SCAF1: variants seen among roughly 807,000 people sequenced by gnomAD.
The protein encoded by SCAF1 is splicing factor, arginine/serine-rich 19.
SCAF1 carries 28 observed loss-of-function variants against 91.2 expected under a neutral mutation model. The ratio of observed to expected loss-of-function variants is 0.31; its 90% CI spans 0.23 to 0.42. The LOEUF (loss-of-function observed/expected upper bound fraction) is 0.42. Ranked by LOEUF, SCAF1 falls within the 10% of genes least tolerant of loss-of-function variation. The pLI is 1.00. For synonymous variants in SCAF1, 1,036 were observed against 833.7 expected, an observed-to-expected ratio of 1.24 and a Z score of -4.18; for missense variants, 1,893 against 1,872.1, an observed-to-expected ratio of 1.01 and a Z score of -0.21.
intron 6 of SCAF1, 73 bp from the exon 7 acceptor site, chr19:49,650,795 G>A (rs1374222150): frequency 9.5e-6 from 12 of 1,269,586 alleles, no homozygotes; most frequent in East Asian, 2.4e-5. Flanking sequence ...GAGTGTCCAC[G>A]GCTGGGCCAG....
chr19:49,651,639 CCCGGCCTACA>C lies in SCAF1; in HGVS notation c.1257_1266del (p.Thr420ProfsTer41), dbSNP rs1305277739. The C allele has an allele frequency of 7.0e-7, 1 of 1,434,442 alleles. No individual in the cohort carries two copies. The highest frequency in any genetic ancestry group is 9.1e-7 in the Non-Finnish European group (1 of 1,100,996). 88.9% of individuals were successfully genotyped at this position (1,434,442 alleles called of 1,614,324 possible). A position where few individuals can be genotyped will look rare whatever the true frequency, so the allele number is the denominator to read the frequency against. ...CTCTTCCGCCCCGGCGGCCGGGCCG[CCCGGCCTACA>C]CCGGCCGCCTCGGCCACCCCCACGG... On this transcript the variant is annotated frameshift_variant, in exon 7 of 11. Transcript: ENST00000360565. LOFTEE classifies it high-confidence loss of function.
In SCAF1 at chr19:49,653,122, C is replaced by G. The variant is rs769617056; in HGVS notation, c.2733C>G (p.Thr911=). ...KVKAKAGAKK[T]KGTKGKTKPS... Reference sequence around the variant, plus strand: ...AGGCCAAGGCAGGGGCCAAGAAAACCAAGGGGACCAAGGGAAAGACCAAGC... The same window carrying G: ...AGGCCAAGGCAGGGGCCAAGAAAACGAAGGGGACCAAGGGAAAGACCAAGC... Residue 911 remains threonine (T), a synonymous_variant, in exon 7 of 11, where the codon ACC becomes ACG. Coordinates refer to ENST00000360565, the MANE Select transcript of SCAF1 (RefSeq NM_021228.3). The G allele has an allele frequency of 2.0e-5, 32 of 1,610,710 alleles. No individual in the cohort carries two copies. Among genetic ancestry groups the G allele is most frequent in the Non-Finnish European group, 2.5e-5 (30 of 1,178,644 alleles).
At chr19:49,643,523 A>G (rs1033011094) in intron 1 of SCAF1, among the ~76,000 whole-genome samples, 1 of 152,250 alleles carries the variant, frequency 6.6e-6, no homozygotes, top group Admixed American at 6.5e-5. Context: ...GATAGGACCT[A>G]GCAGTATCTG....
rs1225559774 is a variant in SCAF1 at position 49,653,359 on chromosome 19, G to A, written c.2970G>A (p.Pro990=). The A allele has an allele frequency of 1.1e-5, 17 of 1,493,456 alleles. No individual in the cohort carries two copies. The highest frequency in any genetic ancestry group is 4.1e-5 in the South Asian group (3 of 73,628). The allele number at this position is 1,493,456 out of a possible 1,614,324, so 92.5% of individuals were successfully genotyped here. Residue 990 remains proline, a synonymous_variant, in exon 7 of 11, where the codon CCG becomes CCA. Coordinates refer to ENST00000360565, the MANE Select transcript of SCAF1 (RefSeq NM_021228.3). ...KAAPPPPALT[P]DSQTVDSSCK... ...CCCCACCACCCCCTGCCCTCACTCCGGACTCGCAGACCGTGGACAGCAGCT... is the reference window on the plus strand; with the variant it reads ...CCCCACCACCCCCTGCCCTCACTCCAGACTCGCAGACCGTGGACAGCAGCT...
At chr19:49,656,289 G>T (rs2081138928) in intron 9 of SCAF1, among the ~76,000 whole-genome samples, 1 of 152,202 alleles carries the variant, frequency 6.6e-6, no homozygotes, top group Non-Finnish European at 1.5e-5. Context: ...ATCCTGTGGG[G>T]CCAGGCAAGC....
In SCAF1 at chr19:49,651,704, C is replaced by T. The variant is rs1208313841; in HGVS notation, c.1315C>T (p.Arg439Trp). The T allele has an allele frequency of 1.4e-6, 2 of 1,384,438 alleles. No homozygotes were observed. Among genetic ancestry groups the T allele is most frequent in the Admixed American group, 3.8e-5 (1 of 26,592 alleles). 85.8% of individuals were successfully genotyped at this position (1,384,438 alleles called of 1,614,324 possible). A position where few individuals can be genotyped will look rare whatever the true frequency, so the allele number is the denominator to read the frequency against. Residue 439 changes from arginine to tryptophan, a missense_variant, in exon 7 of 11, where the codon CGG becomes TGG. Arg to Trp is a moderately radical substitution (Grantham distance 101, BLOSUM62 -3). Transcript: ENST00000360565. The stretch of plus-strand genomic sequence containing the variant: ...GCCCCTTCCTCAGCCTCCCGCTCCG[C>T]GGGCCCCCGAGGGGGACGACTTCTT... ...AQPLPQPPAPRAPEGDDFLSL... is the reference protein window; with the variant it reads ...AQPLPQPPAPWAPEGDDFLSL...
In SCAF1 at chr19:49,653,096, A is replaced by G; in HGVS notation, c.2707A>G (p.Lys903Glu). Reference protein sequence around the residue: ...GSTKPKKTKVKAKAGAKKTKG... With the variant: ...GSTKPKKTKVEAKAGAKKTKG... Reference sequence around the variant, plus strand: ...CACCAAGCCCAAAAAGACCAAGGTCAAGGCCAAGGCAGGGGCCAAGAAAAC... The same window carrying G: ...CACCAAGCCCAAAAAGACCAAGGTCGAGGCCAAGGCAGGGGCCAAGAAAAC... Residue 903 changes from lysine to glutamate, a missense_variant, in exon 7 of 11, where the codon AAG becomes GAG. Physicochemically the swap from Lys to Glu is moderately conservative, Grantham distance 56. Transcript: ENST00000360565. The G allele has an allele frequency of 6.2e-7, 1 of 1,612,878 alleles. No individual in the cohort carries two copies. Among genetic ancestry groups the G allele is most frequent in the Non-Finnish European group, 8.5e-7 (1 of 1,179,418 alleles).
At chr19:49,656,958 C>T (rs996012367) in intron 9 of SCAF1, among the ~76,000 whole-genome samples, 2 of 152,146 alleles carry the variant, frequency 1.3e-5, no homozygotes, top group Non-Finnish European at 2.9e-5. Context: ...AGTTCAAGAT[C>T]AGCTTGGGCA....
Position 49,654,814 on chromosome 19 carries a change from A to T in SCAF1, c.3562A>T (p.Thr1188Ser). Residue 1188 changes from threonine (T) to serine (S), a missense_variant, in exon 9 of 11, where the codon ACG becomes TCG. Physicochemically the swap from Thr to Ser is moderately conservative, Grantham distance 58. Coordinates refer to ENST00000360565, the MANE Select transcript of SCAF1 (RefSeq NM_021228.3). ...CCCCACCCCCACCGGGCTGGCTGCC[A>T]CGTCTGACAAGAGAGAGGGCAGCAG... ...TPPTPTGLAATSDKREGSSSS... is the reference protein window; with the variant it reads ...TPPTPTGLAASSDKREGSSSS... 1.2e-6 allele frequency: 2 copies of T among 1,612,362 alleles called. No homozygotes were observed. The highest frequency in any genetic ancestry group is 1.7e-6 in the Non-Finnish European group (2 of 1,179,220).
rs894376560 is a variant in SCAF1 at position 49,645,234 on chromosome 19, G to A, written c.108+100G>A. On this transcript the variant is annotated intron_variant, in intron 2 of 10. Transcript: ENST00000360565. This position sits in a 1 kb window ranked among gnomAD's most constrained non-coding sequence, Gnocchi z 4.6. Reference sequence around the variant, plus strand: ...CCTGAGGCAGGGGCGCTGGACTCTTGGCTCCCTTGAAGCACTTGAGTCTAG... The same window carrying A: ...CCTGAGGCAGGGGCGCTGGACTCTTAGCTCCCTTGAAGCACTTGAGTCTAG... 14 of 1,497,176 alleles carry A rather than the reference G, an allele frequency of 9.4e-6. No individual in the cohort carries two copies. The African/African-American group carries it at 1.4e-4, about 15-fold the overall frequency. 92.7% of individuals were successfully genotyped at this position (1,497,176 alleles called of 1,614,324 possible).
Position 49,655,140 on chromosome 19 carries a change from C to T in SCAF1, c.3618+270C>T, listed in dbSNP as rs143863560. Among the ~76,000 whole-genome samples the T allele has an allele frequency of 6.8e-3, 1,030 of 152,296 alleles. 8 individuals carry two copies. Among genetic ancestry groups the T allele is most frequent in the Non-Finnish European group, 0.011 (776 of 68,020 alleles). On this transcript the variant is annotated intron_variant, in intron 9 of 10. Coordinates refer to ENST00000360565, the MANE Select transcript of SCAF1 (RefSeq NM_021228.3). ...TATACACACCCTGGAAGAGATGCCC[C>T]GCGCTGCAGCCCACCCCTTGATTAT...
At chr19:49,658,093 T>A in intron 10 of SCAF1, 115 bp from the exon 11 acceptor site, 1 of 1,286,972 alleles carries the variant, frequency 7.8e-7, no homozygotes, top group South Asian at 1.4e-5. Context: ...AGAGGGACTT[T>A]GGCCTGGTTA....
In SCAF1 at chr19:49,652,832, A is replaced by G. The variant is rs201773651; in HGVS notation, c.2443A>G (p.Ser815Gly). The change falls in exon 7 of 11, where the codon AGC becomes GGC. Residue 815 changes from serine to glycine, a missense_variant. Transcript: ENST00000360565. ...SGPPPKPPVSSGSGSSSSSSS... is the reference protein window; with the variant it reads ...SGPPPKPPVSGGSGSSSSSSS... ...GCCCCCGCCAAAGCCACCAGTCAGCAGCGGCTCAGGCTCTTCATCCTCGTC... is the reference window on the plus strand; with the variant it reads ...GCCCCCGCCAAAGCCACCAGTCAGCGGCGGCTCAGGCTCTTCATCCTCGTC... 4.0e-5 allele frequency: 65 copies of G among 1,614,008 alleles called. No homozygotes were observed. In the East Asian group the frequency reaches 1.4e-3, roughly 36 times the overall value.
chr19:49,654,822 CAA>C lies in SCAF1; in HGVS notation c.3571_3572del (p.Lys1191GlufsTer8), dbSNP rs1280180764. ...TPTGLAATSD[K>X]REGSSSSEGR... ...CCACCGGGCTGGCTGCCACGTCTGA[CAA>C]GAGAGAGGGCAGCAGCAGCTCTGAG... On this transcript the variant is annotated frameshift_variant, in exon 9 of 11. Transcript: ENST00000360565. LOFTEE classifies it high-confidence loss of function. The C allele has an allele frequency of 1.9e-6, 3 of 1,611,850 alleles. No individual in the cohort carries two copies. The highest frequency in any genetic ancestry group is 2.2e-5 in the East Asian group (1 of 44,830).
In SCAF1 at chr19:49,653,251, A is replaced by G; in HGVS notation, c.2862A>G (p.Ala954=). 1 of 1,491,362 alleles carries G rather than the reference A, an allele frequency of 6.7e-7. No individual in the cohort carries two copies. Among genetic ancestry groups the G allele is most frequent in the African/African-American group, 1.4e-5 (1 of 71,662 alleles). 92.4% of individuals were successfully genotyped at this position (1,491,362 alleles called of 1,614,324 possible). A position where few individuals can be genotyped will look rare whatever the true frequency, so the allele number is the denominator to read the frequency against. Residue 954 remains alanine, a synonymous_variant, in exon 7 of 11, where the codon GCA becomes GCG. Transcript: ENST00000360565. ...KSKADSCSQA[A]GTKGAEETSW... ...AGGCGGATAGCTGCAGCCAGGCGGC[A>G]GGCACCAAGGGGGCGGAGGAGACTT...
Position 49,651,416 on chromosome 19 carries a change from C to G in SCAF1, c.1027C>G (p.Arg343Gly). ...AACGCCGCCCCAGGTGGACTCCACC[C>G]GGGCTGATGGAGCCATGCGCCGGCG... ...PGTPPQVDST[R>G]ADGAMRRRVF... Residue 343 changes from arginine (R) to glycine (G), a missense_variant, in exon 7 of 11, where the codon CGG (arginine) becomes GGG (glycine). By Grantham distance (125) the Arg-to-Gly change is moderately radical. This residue lies in a region of SCAF1 where 1,436 missense variants were observed against 1,306.8 expected (regional missense o/e 1.10). Coordinates refer to ENST00000360565, the MANE Select transcript of SCAF1 (RefSeq NM_021228.3). 1.9e-6 allele frequency: 3 copies of G among 1,605,586 alleles called. No individual in the cohort carries two copies. Among genetic ancestry groups the G allele is most frequent in the Non-Finnish European group, 1.7e-6 (2 of 1,177,228 alleles).
Position 49,646,624 on chromosome 19 carries a change from C to A in SCAF1, c.360C>A (p.Gly120=), listed in dbSNP as rs753133699. 3 of 1,613,966 alleles carry A rather than the reference C, an allele frequency of 1.9e-6. No individual in the cohort carries two copies. Among genetic ancestry groups the A allele is most frequent in the Admixed American group, 1.7e-5 (1 of 60,022 alleles). ...WVPSRLDLRP[G]ESEDMLELVA... ...CCAGCCGCCTGGACCTGCGGCCTGG[C>A]GAGTGAGTAGCTGGGCAGCTGGAGT... Residue 120 remains glycine (G), a splice_region_variant and synonymous_variant, in exon 5 of 11, where the codon GGC becomes GGA. Transcript: ENST00000360565. This position sits in a 1 kb window ranked among gnomAD's most constrained non-coding sequence, Gnocchi z 5.6.
rs957126523 is a variant in SCAF1, at chr19:49,651,509, G to C, written c.1120G>C (p.Ala374Pro). 1.3e-6 allele frequency: 2 copies of C among 1,572,790 alleles called. No individual in the cohort carries two copies. Among genetic ancestry groups the C allele is most frequent in the African/African-American group, 2.7e-5 (2 of 73,986 alleles). Residue 374 changes from alanine (A) to proline (P), a missense_variant, in exon 7 of 11, where the codon GCT becomes CCT. Ala to Pro is a conservative substitution (Grantham distance 27, BLOSUM62 -1). Transcript: ENST00000360565. ...EGKVSVEVVT[A>P]GGAALPPPLL... Reference sequence around the variant, plus strand: ...CAAGGTCTCGGTGGAGGTGGTGACCGCTGGTGGAGCCGCCCTCCCGCCGCC... The same window carrying C: ...CAAGGTCTCGGTGGAGGTGGTGACCCCTGGTGGAGCCGCCCTCCCGCCGCC...
chr19:49,652,157 A>G lies in SCAF1; in HGVS notation c.1768A>G (p.Thr590Ala), dbSNP rs2081099242. 9.1e-7 allele frequency: 1 copy of G among 1,101,140 alleles called. No individual in the cohort carries two copies. Among genetic ancestry groups the G allele is most frequent in the African/African-American group, 1.7e-5 (1 of 57,984 alleles). 68.2% of individuals were successfully genotyped at this position (1,101,140 alleles called of 1,614,324 possible). The change falls in exon 7 of 11, where the codon ACC (threonine) becomes GCC (alanine). Residue 590 changes from threonine to alanine, a missense_variant. Transcript: ENST00000360565. ...CTCCACCCGCCGCCGCTCGCGCAGC[A>G]CCGACCGCCGCCGCGGGGGCAGCCG... ...SRSTRRRSRS[T>A]DRRRGGSRRS...
Sources: allele counts gnomAD v4.1 joint callset (sites outside exome capture counted in the v4.1 genomes callset), GRCh38; gene constraint gnomAD v4.1.1; regional missense constraint gnomAD v4.1.1; non-coding constraint Gnocchi (gnomAD v3.1); transcripts MANE v1.5; gene names NCBI Gene and HGNC (gene_info 2026-07-23, HGNC 2026-07-21).